The following SETD2 variants were observed in gnomAD, a reference collection of about 807,000 sequenced individuals.
SETD2 encodes SET domain containing 2, histone lysine methyltransferase, also known as histone-lysine N-methyltransferase SETD2.
SETD2 carries 31 observed loss-of-function variants against 242.1 expected under a neutral mutation model. The ratio of observed to expected loss-of-function variants is 0.13; its 90% CI spans 0.10 to 0.17. SETD2 has a LOEUF of 0.17. Among genes scored for constraint, SETD2 ranks in the 10% least tolerant of loss-of-function variants. The pLI, the probability that SETD2 is intolerant of heterozygous loss-of-function variation, is 1.00. For synonymous variants in SETD2, 1,006 were observed against 1,066.5 expected, an observed-to-expected ratio of 0.94 and a Z score of 1.11; for missense variants, 2,481 against 3,046.3, an observed-to-expected ratio of 0.81 and a Z score of 4.37.
At chr3:47,041,312 A>G in intron 17 of SETD2, 1 of 412,862 alleles carries the variant, frequency 2.4e-6, no homozygotes, top group Non-Finnish European at 4.8e-6. Flanking sequence ...GCCTGTGGGC[A>G]TAGTTTGCCA....
At chr3:47,115,609 C>T (rs2042822440) in intron 4 of SETD2, among the ~76,000 whole-genome samples, 1 of 152,020 alleles carries the variant, frequency 6.6e-6, no homozygotes, top group African/African-American at 2.4e-5. Context: ...ATACTCTTTC[C>T]ATGTAAAAGA....
At chr3:47,132,314 A>G (rs114657160) in intron 1 of SETD2, among the ~76,000 whole-genome samples, 1 of 151,928 alleles carries the variant, frequency 6.6e-6, no homozygotes, top group African/African-American at 2.4e-5. Flanking sequence ...TTTTGAGACA[A>G]AGTCTACTAC....
rs749235253 is a variant in SETD2 at position 47,046,586 on chromosome 3, C to T, written c.6999G>A (p.Gly2333=). 136 of 1,613,040 alleles carry T rather than the reference C, an allele frequency of 8.4e-5. No individual in the cohort carries two copies. Among genetic ancestry groups the T allele is most frequent in the Non-Finnish European group, 1.1e-4 (129 of 1,179,440 alleles). Residue 2333 remains glycine, a synonymous_variant, in exon 16 of 21, where the codon GGG becomes GGA. Coordinates refer to ENST00000409792, the MANE Select transcript of SETD2 (RefSeq NM_014159.7). ...GTGGATGAGCTGTGAAAATCTGTTGCCCCTGGATATACTGAAGACTTGGCT... is the reference window on the plus strand; with the variant it reads ...GTGGATGAGCTGTGAAAATCTGTTGTCCCTGGATATACTGAAGACTTGGCT... ...YAQPSLQYIQ[G]QQIFTAHPQG...
chr3:47,118,668 A>T (rs979061379), intron 3 of SETD2, among the ~76,000 whole-genome samples: 1 of 151,602 alleles, frequency 6.6e-6, no homozygotes, highest in Non-Finnish European at 1.5e-5. Flanking sequence ...CTGTCTCAAA[A>T]AAAAAAAAAA....
At chr3:47,112,817 C>T (rs1332748060) in intron 5 of SETD2, among the ~76,000 whole-genome samples, 5 of 151,688 alleles carry the variant, frequency 3.3e-5, no homozygotes, top group African/African-American at 9.7e-5. Flanking sequence ...CTCGAACTCC[C>T]GACTTCAGGT....
At chr3:47,086,040 C>T (rs1442690762) in intron 11 of SETD2, among the ~76,000 whole-genome samples, 155 bp downstream of exon 11, 1 of 152,058 alleles carries the variant, frequency 6.6e-6, no homozygotes, top group Admixed American at 6.6e-5. Flanking sequence ...CGGTTAGATA[C>T]GTTAAAGGAA....
At chr3:47,161,959 T>A (rs1186670093) in intron 1 of SETD2, among the ~76,000 whole-genome samples, 1 of 150,300 alleles carries the variant, frequency 6.7e-6, no homozygotes, top group Non-Finnish European at 1.5e-5. Flanking sequence ...AAATATATAA[T>A]CACTGTTAGA....
At chr3:47,134,247 G>A (rs1050374749) in intron 1 of SETD2, among the ~76,000 whole-genome samples, 2 of 152,188 alleles carry the variant, frequency 1.3e-5, no homozygotes, top group African/African-American at 2.4e-5. Context: ...AGCCTCTGTT[G>A]TGGGGGGGAA....
chr3:47,049,968 A>G (rs573879677), intron 15 of SETD2, among the ~76,000 whole-genome samples: 6 of 146,670 alleles, frequency 4.1e-5, no homozygotes, highest in Non-Finnish European at 7.5e-5. Context: ...ACATATATTT[A>G]TATGTTTTTC....
intron 1 of SETD2, among the ~76,000 whole-genome samples, chr3:47,132,980 T>C (rs1380967546): frequency 6.6e-6 from 1 of 152,206 alleles, no homozygotes; most frequent in Non-Finnish European, 1.5e-5. Flanking sequence ...AATAATATTG[T>C]ATCAGTGTTA....
chr3:47,065,659 CA>C (rs2040528811), intron 13 of SETD2, among the ~76,000 whole-genome samples: 1 of 151,916 alleles, frequency 6.6e-6, no homozygotes, highest in Admixed American at 6.6e-5. Context: ...AATAAATAAC[CA>C]GGCATGGTGG....
chr3:47,067,712 G>A (rs1054448277), intron 12 of SETD2, among the ~76,000 whole-genome samples: 1 of 152,000 alleles, frequency 6.6e-6, no homozygotes, highest in Non-Finnish European at 1.5e-5. Context: ...GCCTGGCCAA[G>A]TATTCATAAT....
In SETD2 at chr3:47,121,974, G is replaced by A. The variant is rs1273088485; in HGVS notation, c.2662C>T (p.Pro888Ser). The change falls in exon 3 of 21, where the codon CCA becomes TCA. Residue 888 changes from proline to serine, a missense_variant. This residue lies in a region of SETD2 where 1,300 missense variants were observed against 1,259.2 expected (regional missense o/e 1.03). Transcript: ENST00000409792. ...GTTAGACTGTCCACCTTTATTCCTG[G>A]TGGAAGACTCTGAAGAGATGAAGCA... ...GIASSLQSLP[P>S]GIKVDSLTLL... The A allele has an allele frequency of 6.2e-7, 1 of 1,613,760 alleles. No homozygotes were observed. Among genetic ancestry groups the A allele is most frequent in the Non-Finnish European group, 8.5e-7 (1 of 1,179,990 alleles).
intron 17 of SETD2, among the ~76,000 whole-genome samples, chr3:47,038,812 A>G (rs1239701318): frequency 6.6e-6 from 1 of 152,204 alleles, no homozygotes; most frequent in Non-Finnish European, 1.5e-5. Context: ...CACGTTCAGG[A>G]GTCTGAAGCC....
At chr3:47,048,185 C>T (rs1045215437) in intron 15 of SETD2, among the ~76,000 whole-genome samples, 2 of 152,116 alleles carry the variant, frequency 1.3e-5, no homozygotes, top group Non-Finnish European at 2.9e-5. Flanking sequence ...GTCAGGAGAT[C>T]GAGACCATCC....
In SETD2 at chr3:47,111,079, T is replaced by TAAAAA. The variant is rs10672755; in HGVS notation, c.4715+2792_4715+2796dup. ...GCTTGTGTCCAAACTGTGGTTCCTT[T>TAAAAA]AAAAAAAAAAAAAAAAAAAAAAAAA... On this transcript the variant is annotated intron_variant, in intron 5 of 20. Transcript: ENST00000409792. 7.9e-4 allele frequency among the ~76,000 whole-genome samples: 62 copies of TAAAAA among 78,796 alleles called. 11 individuals are homozygous for TAAAAA. Among genetic ancestry groups the TAAAAA allele is most frequent in the Middle Eastern group, 0.024 (2 of 82 alleles). 51.7% of individuals were successfully genotyped at this position (78,796 alleles called of 152,430 possible).
intron 1 of SETD2, among the ~76,000 whole-genome samples, chr3:47,145,907 T>C (rs1207389195): frequency 6.8e-6 from 1 of 146,640 alleles, no homozygotes; most frequent in East Asian, 2.0e-4. Context: ...TCCCAGATAC[T>C]CAAGAGGCTG....
intron 1 of SETD2, among the ~76,000 whole-genome samples, chr3:47,131,494 C>T (rs540111993): frequency 6.6e-6 from 1 of 151,996 alleles, no homozygotes; most frequent in South Asian, 2.1e-4. Flanking sequence ...CAGGCGCCCA[C>T]CACCACACCC....
At position 47,016,692 on chromosome 3, in the gene SETD2, A is replaced by G. The variant is rs926748055; in HGVS notation, c.*401T>C. 1 of 238,884 alleles carries G rather than the reference A, an allele frequency of 4.2e-6. No homozygotes were observed. The highest frequency in any genetic ancestry group is 8.2e-6 in the Non-Finnish European group (1 of 121,914). 14.8% of individuals were successfully genotyped at this position (238,884 alleles called of 1,614,324 possible). A position where few individuals can be genotyped will look rare whatever the true frequency, so the allele number is the denominator to read the frequency against. ...GAAAACCAAACAAAAACCAGGAAAA[A>G]ACAAATTATTTTCAATATATTCACA... is the stretch of plus-strand genomic sequence containing the variant. On this transcript the variant is annotated 3_prime_UTR_variant, in exon 21 of 21. Transcript: ENST00000409792.
Sources: allele counts gnomAD v4.1 joint callset (sites outside exome capture counted in the v4.1 genomes callset), GRCh38; gene constraint gnomAD v4.1.1; regional missense constraint gnomAD v4.1.1; transcripts MANE v1.5; gene names NCBI Gene and HGNC (gene_info 2026-07-23, HGNC 2026-07-21).